ITPR1: variants seen among roughly 807,000 people sequenced by gnomAD.
ITPR1 encodes the protein inositol 1,4,5-trisphosphate receptor type 1.
Under a neutral mutation model 318.4 loss-of-function variants are expected in ITPR1, and 96 were observed. The observed-to-expected ratio is 0.30, with a 90% confidence interval of 0.26 to 0.36. ITPR1 has a LOEUF of 0.36. ITPR1 is among the 10% of genes least tolerant of loss of function. The pLI is 1.00. For missense variants in ITPR1, 2,440 were observed against 3,460.2 expected (o/e 0.71, Z 7.40); for synonymous variants, 1,312 against 1,289.9 (o/e 1.02, Z -0.37).
In ITPR1 at chr3:4,669,855, T is replaced by A. The variant is rs1336585102; in HGVS notation, c.2006+82T>A. The A allele has an allele frequency of 6.1e-6, 8 of 1,318,256 alleles. No homozygotes were observed. The East Asian group carries it at 1.7e-4, about 28-fold the overall frequency. 81.7% of individuals were successfully genotyped at this position (1,318,256 alleles called of 1,614,324 possible). ...TCATGAGGAATAAAACCTAGCCCTA[T>A]CATTTTTTGAGTTGATCTAAAGTCA... On this transcript the variant is annotated intron_variant, in intron 19 of 61. Coordinates refer to ENST00000649015, the MANE Select transcript of ITPR1 (RefSeq NM_001378452.1).
At chr3:4,813,084 A>C (rs1442432045) in intron 56 of ITPR1, 58 bp from the exon 57 acceptor site, 5 of 1,327,894 alleles carry the variant, frequency 3.8e-6, no homozygotes, top group Non-Finnish European at 5.4e-6. Context: ...GGGGACTTCA[A>C]ACATTTTAAC....
At chr3:4,712,567 C>T (rs566121917) in intron 39 of ITPR1, among the ~76,000 whole-genome samples, 2 of 152,340 alleles carry the variant, frequency 1.3e-5, no homozygotes, top group South Asian at 4.2e-4. Flanking sequence ...CAGCTAGCTA[C>T]ATTTAGCAAC....
rs559031975 is a variant in ITPR1 at position 4,813,586 on chromosome 3, C to G, written c.7561+352C>G. Among the ~76,000 whole-genome samples, 3 of 152,240 alleles carry G rather than the reference C, an allele frequency of 2.0e-5. No homozygotes were observed. The East Asian group carries it at 5.8e-4, about 29-fold the overall frequency. ...ATACAGAAGTTAGGCACCCGGCCTA[C>G]TACTGGGCTAAGCGTATCATCAAGA... On this transcript the variant is annotated intron_variant, in intron 57 of 61. Coordinates refer to ENST00000649015, the MANE Select transcript of ITPR1 (RefSeq NM_001378452.1).
intron 4 of ITPR1, among the ~76,000 whole-genome samples, chr3:4,587,024 C>T (rs2089975906): frequency 6.6e-6 from 1 of 152,116 alleles, no homozygotes; most frequent in Admixed American, 6.5e-5. Flanking sequence ...AATTATATTC[C>T]CTGGCTCCAT....
intron 46 of ITPR1, among the ~76,000 whole-genome samples, chr3:4,769,296 A>C (rs1456780137): frequency 6.6e-6 from 1 of 152,154 alleles, no homozygotes; most frequent in Admixed American, 6.5e-5. Flanking sequence ...CATCTTGTGC[A>C]CCAACATAGG....
In ITPR1 at chr3:4,768,587, C is replaced by A. The variant is rs746060509; in HGVS notation, c.5802C>A (p.Ala1934=). Residue 1934 remains alanine, a synonymous_variant, in exon 46 of 62, where the codon GCC becomes GCA. Transcript: ENST00000649015. ...LLEASAATRK[A]FTTFRREADP... ...AGGCCTCCGCTGCCACCAGGAAAGCCTTCACCACTTTCAGGAGGGAGGCTG... is the reference window on the plus strand; with the variant it reads ...AGGCCTCCGCTGCCACCAGGAAAGCATTCACCACTTTCAGGAGGGAGGCTG... 3.1e-6 allele frequency: 5 copies of A among 1,613,938 alleles called. No homozygotes were observed. In the Admixed American group the frequency reaches 6.7e-5, roughly 22 times the overall value.
At chr3:4,840,434 A>G (rs1002851907) in intron 61 of ITPR1, among the ~76,000 whole-genome samples, 3 of 152,142 alleles carry the variant, frequency 2.0e-5, no homozygotes, top group African/African-American at 7.2e-5. Flanking sequence ...AAACACAAAA[A>G]TTGCTCCATT....
Position 4,835,121 on chromosome 3 carries a change from C to A in ITPR1, c.8029-1653C>A, listed in dbSNP as rs1348822897. The stretch of plus-strand genomic sequence containing the variant: ...ACTAGTGACTGTGACCCTGCCCGCC[C>A]ACCCACCAGTATCTTAAGCAAACAC... On this transcript the variant is annotated intron_variant, in intron 60 of 61. Coordinates refer to ENST00000649015, the MANE Select transcript of ITPR1 (RefSeq NM_001378452.1). Among the ~76,000 whole-genome samples, 3 of 151,806 alleles carry A rather than the reference C, an allele frequency of 2.0e-5. No individual in the cohort carries two copies. The East Asian group carries it at 5.8e-4, about 29-fold the overall frequency.
intron 4 of ITPR1, among the ~76,000 whole-genome samples, chr3:4,620,678 G>A (rs1183536417): frequency 8.7e-6 from 1 of 115,322 alleles, no homozygotes; most frequent in Non-Finnish European, 1.7e-5. Flanking sequence ...TTTTCTTTGT[G>A]GGTTTTTTTT....
At chr3:4,520,928 T>C in intron 3 of ITPR1, 96 bp from the exon 4 acceptor site, 1 of 869,914 alleles carries the variant, frequency 1.1e-6, no homozygotes, top group Non-Finnish European at 1.9e-6. Flanking sequence ...AATCTAAATG[T>C]TGCGCAGGAA....
intron 16 of ITPR1, among the ~76,000 whole-genome samples, chr3:4,664,031 G>C (rs1018487064): frequency 2.0e-5 from 3 of 152,190 alleles, no homozygotes; most frequent in African/African-American, 7.2e-5. Flanking sequence ...AATCATGTGA[G>C]AGTTTACCTG....
intron 32 of ITPR1, among the ~76,000 whole-genome samples, chr3:4,691,846 G>A (rs1391455612): frequency 7.2e-5 from 11 of 152,154 alleles, no homozygotes; most frequent in Non-Finnish European, 1.2e-4. Context: ...CCATTGGCAG[G>A]GAGGGTAGTG....
intron 20 of ITPR1, among the ~76,000 whole-genome samples, chr3:4,672,888 C>G (rs1021495447): frequency 1.3e-5 from 2 of 152,180 alleles, no homozygotes; most frequent in Non-Finnish European, 2.9e-5. Context: ...ATTGCTCCAA[C>G]ACAGCTGGAT....
chr3:4,816,068 A>C (rs1559946959), intron 59 of ITPR1: 2 of 152,056 alleles, frequency 1.3e-5, no homozygotes, highest in Non-Finnish European at 2.9e-5. Flanking sequence ...TAAATATTTT[A>C]GTACACATTT....
intron 4 of ITPR1, among the ~76,000 whole-genome samples, chr3:4,543,800 T>C (rs915009825): frequency 2.0e-5 from 3 of 152,202 alleles, no homozygotes; most frequent in East Asian, 1.9e-4. Flanking sequence ...ATCCACCTAA[T>C]AGTGGCTTAA....
intron 2 of ITPR1, among the ~76,000 whole-genome samples, chr3:4,503,966 G>C (rs2081225057): frequency 6.6e-6 from 1 of 151,902 alleles, no homozygotes; most frequent in Admixed American, 6.6e-5. Flanking sequence ...TTGGTATCTG[G>C]AGCCCTGTGG....
intron 13 of ITPR1, 95 bp from the exon 14 acceptor site, chr3:4,660,893 G>T: frequency 5.0e-6 from 3 of 598,472 alleles, no homozygotes; most frequent in Non-Finnish European, 8.5e-6. Flanking sequence ...AAACCACTTT[G>T]CTATTTCTAT....
intron 44 of ITPR1, among the ~76,000 whole-genome samples, chr3:4,763,866 C>T (rs920723539): frequency 2.6e-5 from 4 of 152,214 alleles, no homozygotes; most frequent in Admixed American, 6.5e-5. Flanking sequence ...GTGTGTGTCG[C>T]GTGGCGCTGC....
chr3:4,493,583 G>C lies in ITPR1; in HGVS notation c.-115G>C, dbSNP rs1378808523. On this transcript the variant is annotated 5_prime_UTR_variant, in exon 1 of 62. Transcript: ENST00000649015. ...TCTCCTCGCCCTGCTCCCCCAAACC[G>C]GCGTGGCTCCCCGGGCACCAAGGTA... 2.0e-5 allele frequency: 3 copies of C among 152,696 alleles called. No homozygotes were observed. The highest frequency in any genetic ancestry group is 4.8e-5 in the African/African-American group (2 of 41,430). 9.5% of individuals were successfully genotyped at this position (152,696 alleles called of 1,614,324 possible). A position where few individuals can be genotyped will look rare whatever the true frequency, so the allele number is the denominator to read the frequency against.
Sources: allele counts gnomAD v4.1 joint callset (sites outside exome capture counted in the v4.1 genomes callset), GRCh38; gene constraint gnomAD v4.1.1; transcripts MANE v1.5; gene names NCBI Gene and HGNC (gene_info 2026-07-23, HGNC 2026-07-21).